AGAP3: variants seen among roughly 807,000 people sequenced by gnomAD.
AGAP3 encodes the protein ArfGAP with GTPase domain, ankyrin repeat and PH domain 3.
A neutral mutation model predicts 96.9 loss-of-function variants in AGAP3; 24 were observed. The observed-to-expected ratio is 0.25, with a 90% CI of 0.18 to 0.35. The LOEUF is 0.35. AGAP3 is among the 10% of genes least tolerant of loss of function. The probability of loss-of-function intolerance (pLI) is 1.00; values close to 1 mark genes in which losing one functional copy is unlikely to be tolerated. For missense variants in AGAP3, 876 were observed against 1,254.2 expected, an observed-to-expected ratio of 0.70 and a Z score of 4.55; for synonymous variants, 563 against 536.1, an observed-to-expected ratio of 1.05 and a Z score of -0.69.
intron 10 of AGAP3, 113 bp from the exon 11 acceptor site, chr7:151,134,287 T>A: frequency 8.4e-7 from 1 of 1,195,582 alleles, no homozygotes; most frequent in Non-Finnish European, 1.2e-6. Flanking sequence ...CTTTTCAAGA[T>A]TGGAGCCTTC....
At chr7:151,128,716 G>A in intron 10 of AGAP3, 32 bp downstream of exon 10, 3 of 1,507,468 alleles carry the variant, frequency 2.0e-6, no homozygotes, top group Non-Finnish European at 2.8e-6. Context: ...TCCTGGGGGA[G>A]TATGGGGAGG....
At chr7:151,120,244 C>A in intron 8 of AGAP3, 99 bp downstream of exon 8, 2 of 1,298,892 alleles carry the variant, frequency 1.5e-6, no homozygotes, top group Non-Finnish European at 2.1e-6. Context: ...AGCCCCAAGT[C>A]AGGAAGACGG....
chr7:151,113,325 A>G (rs1799381381), intron 1 of AGAP3, among the ~76,000 whole-genome samples: 1 of 152,184 alleles, frequency 6.6e-6, no homozygotes, highest in Admixed American at 6.5e-5. Context: ...GTCTTCACCA[A>G]CGCTAATAAC....
intron 1 of AGAP3, among the ~76,000 whole-genome samples, chr7:151,103,972 T>C (rs149486878): frequency 1.5e-3 from 221 of 152,296 alleles, no homozygotes; most frequent in Middle Eastern, 6.8e-3. Flanking sequence ...GAACACCCGG[T>C]TCCTCCACGG....
chr7:151,136,619 A>C (rs1800605643), intron 11 of AGAP3: 1 of 152,262 alleles, frequency 6.6e-6, no homozygotes, highest in African/African-American at 2.4e-5. Flanking sequence ...TTCGACAATT[A>C]CAGTGCACAC....
At chr7:151,098,175 A>G (rs1225393779) in intron 1 of AGAP3, among the ~76,000 whole-genome samples, 1 of 152,142 alleles carries the variant, frequency 6.6e-6, no homozygotes, top group Non-Finnish European at 1.5e-5. Flanking sequence ...CCTGGCCAAC[A>G]TGACGAAACC....
In AGAP3 at chr7:151,142,609, T is replaced by C; in HGVS notation, c.2248T>C (p.Ser750Pro). The C allele has an allele frequency of 6.2e-7, 1 of 1,612,940 alleles. No individual in the cohort carries two copies. The highest frequency in any genetic ancestry group is 8.5e-7 in the Non-Finnish European group (1 of 1,179,984). ...SVWEGALGGY[S>P]KPGPDACREE... is the part of the protein sequence containing the mutation. Reference sequence around the variant, plus strand: ...CTGGGAGGGGGCCTTGGGTGGCTACTCCAAGCCAGGGCCTGATGCCTGCAG... The same window carrying C: ...CTGGGAGGGGGCCTTGGGTGGCTACCCCAAGCCAGGGCCTGATGCCTGCAG... Residue 750 changes from serine (S) to proline (P), a missense_variant, in exon 16 of 18, where the codon TCC (serine) becomes CCC (proline). Transcript: ENST00000397238. The surrounding 1 kb of genome is among the most constrained non-coding windows in gnomAD (Gnocchi z 7.5).
chr7:151,101,070 C>A (rs566408556), intron 1 of AGAP3, among the ~76,000 whole-genome samples: 1 of 152,348 alleles, frequency 6.6e-6, no homozygotes, highest in South Asian at 2.1e-4. Context: ...CGCGTCAATC[C>A]TGGCGTCCGC....
chr7:151,097,777 C>T (rs1295186802), intron 1 of AGAP3, among the ~76,000 whole-genome samples: 4 of 152,132 alleles, frequency 2.6e-5, no homozygotes, highest in African/African-American at 9.7e-5. Flanking sequence ...CACCCTCCCA[C>T]CAGGCCCCAC....
chr7:151,138,135 GC>G lies in AGAP3; in HGVS notation c.1496-3del. 1.3e-6 allele frequency: 2 copies of G among 1,577,298 alleles called. No individual in the cohort carries two copies. The highest frequency in any genetic ancestry group is 1.7e-6 in the Non-Finnish European group (2 of 1,159,650). ...CTCCCTTCCCAGTCTGACCCTTCCC[GC>G]CCCCAGGTGCCCCCCACTCGGCCAG... On this transcript the variant is annotated splice_polypyrimidine_tract_variant and splice_region_variant and intron_variant, in intron 11 of 17. Coordinates refer to ENST00000397238, the MANE Select transcript of AGAP3 (RefSeq NM_031946.7).
intron 1 of AGAP3, among the ~76,000 whole-genome samples, chr7:151,106,070 T>A (rs1278448878): frequency 6.6e-6 from 1 of 152,044 alleles, no homozygotes; most frequent in East Asian, 1.9e-4. Context: ...GAAACAGACC[T>A]GTCAGTGGCC....
rs1323913078 is a variant in AGAP3 at position 151,118,004 on chromosome 7, C to T, written c.707-206C>T. ...GTCTGTGTTTTTTTAGATGAATAAA[C>T]GTGCTCAGAGCTTAAGTGCTTGCTG... is the stretch of plus-strand genomic sequence containing the variant. On this transcript the variant is annotated intron_variant, in intron 5 of 17. Coordinates refer to ENST00000397238, the MANE Select transcript of AGAP3 (RefSeq NM_031946.7). This position sits in a 1 kb window ranked among gnomAD's most constrained non-coding sequence, Gnocchi z 6.1. The T allele has an allele frequency of 7.9e-6, 7 of 880,976 alleles. No individual in the cohort carries two copies. Among genetic ancestry groups the T allele is most frequent in the African/African-American group, 1.7e-5 (1 of 58,902 alleles). The allele number at this position is 880,976 out of a possible 1,614,324, so 54.6% of individuals were successfully genotyped here.
At chr7:151,117,016 T>C in intron 2 of AGAP3, 79 bp from the exon 3 acceptor site, 1 of 1,514,884 alleles carries the variant, frequency 6.6e-7, no homozygotes, top group Non-Finnish European at 9.1e-7. Context: ...TCCCTCCTGC[T>C]GCTTCTTTGC....
chr7:151,095,823 TGCCACCCC>T (rs1319984877), intron 1 of AGAP3, among the ~76,000 whole-genome samples: 4 of 121,660 alleles, frequency 3.3e-5, no homozygotes, highest in Non-Finnish European at 6.8e-5. Flanking sequence ...CCTGCCCCCC[TGCCACCCC>T]ATTATTACTT....
rs545066004 is a variant in AGAP3, at chr7:151,107,958, G to A, written c.332-8835G>A. On this transcript the variant is annotated intron_variant, in intron 1 of 17. Transcript: ENST00000397238. ...TGCCCCCACCCTTCAGGCCATGGGA[G>A]GGCTGGAGATGCTGTGAGGTGTAGG... Among the ~76,000 whole-genome samples, 19 of 152,356 alleles carry A rather than the reference G, an allele frequency of 1.2e-4. No homozygotes were observed. The East Asian group carries it at 3.1e-3, about 25-fold the overall frequency.
chr7:151,143,278 C>G lies in AGAP3; in HGVS notation c.2274-63C>G. ...CTCGCTTCCTTTCCTGCCCACCTTC[C>G]TGGCCCCACCCGTTGCTCGGTGACC... On this transcript the variant is annotated intron_variant, in intron 16 of 17. Transcript: ENST00000397238. The surrounding 1 kb of genome is among the most constrained non-coding windows in gnomAD (Gnocchi z 5.9). 1 of 1,544,256 alleles carries G rather than the reference C, an allele frequency of 6.5e-7. No homozygotes were observed. The highest frequency in any genetic ancestry group is 1.4e-5 in the African/African-American group (1 of 73,024).
In AGAP3 at chr7:151,140,443, G is replaced by A. The variant is rs572879724; in HGVS notation, c.1804+327G>A. ...TGTTTTCTGTCTCTTGTGTCATACC[G>A]AGTTTAATAAAGTGCTGGGTACTTA... On this transcript the variant is annotated intron_variant, in intron 13 of 17. Coordinates refer to ENST00000397238, the MANE Select transcript of AGAP3 (RefSeq NM_031946.7). The surrounding 1 kb of genome is among the most constrained non-coding windows in gnomAD (Gnocchi z 5.4). The A allele has an allele frequency of 1.0e-4, 19 of 182,040 alleles. No homozygotes were observed. The highest frequency in any genetic ancestry group is 8.1e-4 in the Admixed American group (13 of 16,014). The allele number at this position is 182,040 out of a possible 1,614,324, so 11.3% of individuals were successfully genotyped here.
At chr7:151,115,270 G>A in intron 1 of AGAP3, 1 of 1,002,334 alleles carries the variant, frequency 1.0e-6, no homozygotes. Context: ...AGCCAGCGCT[G>A]GCCAGTGCTG....
At position 151,131,586 on chromosome 7, in the gene AGAP3, C is replaced by T. The variant is rs559220625; in HGVS notation, c.1327-2814C>T. ...TGCTGATGCTCCTCAAGCTTCTCTC[C>T]ACTGTCCTCTGGGCCCAGGCTCCAG... On this transcript the variant is annotated intron_variant, in intron 10 of 17. Coordinates refer to ENST00000397238, the MANE Select transcript of AGAP3 (RefSeq NM_031946.7). 3.9e-5 allele frequency among the ~76,000 whole-genome samples: 6 copies of T among 152,324 alleles called. No homozygotes were observed. In the East Asian group the frequency reaches 7.7e-4, roughly 20 times the overall value.
Sources: gnomAD v4.1 joint callset for allele counts (sites outside exome capture counted in the v4.1 genomes callset) on GRCh38, gnomAD v4.1.1 for gene constraint, Gnocchi (gnomAD v3.1) non-coding constraint, MANE v1.5 for transcripts, NCBI Gene and HGNC (gene_info 2026-07-23, HGNC 2026-07-21) for gene names.